Variants in SPAG16 observed in about 807,000 individuals in gnomAD.
SPAG16 encodes sperm-associated antigen 16 protein.
SPAG16 carries 86 observed loss-of-function variants against 80.4 expected under a neutral mutation model. The ratio of observed to expected loss-of-function variants is 1.07; its 90% CI spans 0.90 to 1.28. The LOEUF (loss-of-function observed/expected upper bound fraction) is 1.28. Among genes scored for constraint, SPAG16 ranks in the 50% most tolerant of loss-of-function variants. SPAG16 has a pLI of 0.00. For missense variants in SPAG16, 870 were observed against 765.3 expected (o/e 1.14, Z -1.61); for synonymous variants, 294 against 265.9 (o/e 1.11, Z -1.03).
chr2:213,564,448 T>C (rs2125990062), intron 10 of SPAG16, among the ~76,000 whole-genome samples: 1 of 149,582 alleles, frequency 6.7e-6, no homozygotes, highest in Middle Eastern at 3.4e-3. Context: ...TGAGCCAAGA[T>C]TGCACCACTG....
chr2:214,291,959 T>G (rs1457571380), intron 15 of SPAG16, among the ~76,000 whole-genome samples: 1 of 152,230 alleles, frequency 6.6e-6, no homozygotes, highest in Non-Finnish European at 1.5e-5. Context: ...GCCATCAGTG[T>G]TTGCTTGTCT....
At chr2:214,081,931 A>G (rs1276562729) in intron 13 of SPAG16, among the ~76,000 whole-genome samples, 2 of 151,992 alleles carry the variant, frequency 1.3e-5, no homozygotes, top group Non-Finnish European at 2.9e-5. Flanking sequence ...TGCCTAAATC[A>G]TTAGAACTCA....
chr2:213,295,091 A>G (rs555468573), intron 1 of SPAG16, among the ~76,000 whole-genome samples: 72 of 152,322 alleles, frequency 4.7e-4, no homozygotes, highest in African/African-American at 1.7e-3. Context: ...AAACAATGCC[A>G]GAGACATTTT....
chr2:214,300,179 TAGAG>T (rs1329496478), intron 15 of SPAG16, among the ~76,000 whole-genome samples: 1 of 152,090 alleles, frequency 6.6e-6, no homozygotes, highest in Non-Finnish European at 1.5e-5. Context: ...AAAAATTAGG[TAGAG>T]AGAAAGAAAT....
intron 10 of SPAG16, among the ~76,000 whole-genome samples, chr2:213,698,094 A>T: frequency 6.6e-6 from 1 of 152,162 alleles, no homozygotes; most frequent in Admixed American, 6.5e-5. Context: ...TTTGTTAATC[A>T]GTTGATTTCC....
At chr2:213,850,880 T>C (rs2074868267) in intron 10 of SPAG16, among the ~76,000 whole-genome samples, 1 of 152,168 alleles carries the variant, frequency 6.6e-6, no homozygotes, top group Non-Finnish European at 1.5e-5. Context: ...TATATTTTTA[T>C]TTTCACTTTG....
At chr2:214,150,093 A>G (rs1237572176) in intron 15 of SPAG16, among the ~76,000 whole-genome samples, 1 of 152,108 alleles carries the variant, frequency 6.6e-6, no homozygotes, top group Non-Finnish European at 1.5e-5. Context: ...TGGCGATAGC[A>G]AAAACTTGAT....
At chr2:213,593,746 CTTTTTTTTTTTTT>C (rs541949006) in intron 10 of SPAG16, among the ~76,000 whole-genome samples, 4 of 50,188 alleles carry the variant, frequency 8.0e-5, no homozygotes, top group Non-Finnish European at 2.0e-4. Flanking sequence ...CCCACCACAT[CTTTTTTTTTTTTT>C]TTTTTTTTTT....
At chr2:214,213,250 T>C (rs1289845642) in intron 15 of SPAG16, among the ~76,000 whole-genome samples, 1 of 152,194 alleles carries the variant, frequency 6.6e-6, no homozygotes, top group African/African-American at 2.4e-5. Context: ...AATCCAATCT[T>C]AAAGCAGACT....
intron 15 of SPAG16, among the ~76,000 whole-genome samples, chr2:214,245,698 T>C (rs1268121478): frequency 6.6e-6 from 1 of 152,184 alleles, no homozygotes; most frequent in Non-Finnish European, 1.5e-5. Context: ...GACCATCTGC[T>C]GGTAAAATTT....
intron 11 of SPAG16, among the ~76,000 whole-genome samples, chr2:213,882,934 G>A (rs967960746): frequency 2.0e-5 from 3 of 151,970 alleles, no homozygotes; most frequent in Non-Finnish European, 4.4e-5. Context: ...GTGCAGTGGC[G>A]CGATCTCGGC....
intron 15 of SPAG16, among the ~76,000 whole-genome samples, chr2:214,403,000 T>G (rs1346218272): frequency 6.9e-6 from 1 of 145,114 alleles, no homozygotes; most frequent in Admixed American, 7.1e-5. Flanking sequence ...TGTGTTTTAG[T>G]AAGGGCAGCT....
intron 10 of SPAG16, among the ~76,000 whole-genome samples, chr2:213,844,712 T>C (rs1172674809): frequency 6.6e-6 from 1 of 152,188 alleles, no homozygotes; most frequent in Non-Finnish European, 1.5e-5. Context: ...TAAATTAGTT[T>C]TAAATATTCA....
intron 10 of SPAG16, among the ~76,000 whole-genome samples, chr2:213,656,997 T>C (rs547129905): frequency 9.8e-5 from 15 of 152,318 alleles, no homozygotes; most frequent in African/African-American, 3.4e-4. Context: ...TTGATGTTAA[T>C]AGAATGTAAA....
chr2:214,298,581 A>C (rs1390083035), intron 15 of SPAG16, among the ~76,000 whole-genome samples: 1 of 152,206 alleles, frequency 6.6e-6, no homozygotes, highest in Non-Finnish European at 1.5e-5. Flanking sequence ...AAAGGAACAG[A>C]GTCTTGTGAC....
intron 15 of SPAG16, among the ~76,000 whole-genome samples, chr2:214,196,216 G>A (rs912776340): frequency 2.0e-5 from 3 of 151,950 alleles, no homozygotes; most frequent in African/African-American, 7.2e-5. Flanking sequence ...AAATCAACAT[G>A]CCATTTCAAT....
At chr2:213,877,418 T>G (rs1442820972) in intron 11 of SPAG16, among the ~76,000 whole-genome samples, 2 of 152,150 alleles carry the variant, frequency 1.3e-5, no homozygotes, top group Non-Finnish European at 2.9e-5. Flanking sequence ...CAAGTGATTC[T>G]TCCACCTCAG....
chr2:214,081,382 T>C (rs1576104698), intron 13 of SPAG16, among the ~76,000 whole-genome samples: 2 of 152,188 alleles, frequency 1.3e-5, no homozygotes, highest in Non-Finnish European at 2.9e-5. Flanking sequence ...AATGACACTC[T>C]ATTGGGTGTT....
chr2:213,534,162 T>C (rs192996504), intron 10 of SPAG16, among the ~76,000 whole-genome samples: 6 of 152,270 alleles, frequency 3.9e-5, no homozygotes, highest in Admixed American at 3.3e-4. Flanking sequence ...TGTTTTCTTA[T>C]TGATTTATAA....
Sources: allele counts gnomAD v4.1 joint callset (sites outside exome capture counted in the v4.1 genomes callset), GRCh38; gene constraint gnomAD v4.1.1; transcripts MANE v1.5; gene names NCBI Gene and HGNC (gene_info 2026-07-23, HGNC 2026-07-21).